Variants in TP73 observed in about 807,000 individuals in gnomAD.
TP73 encodes tumor protein p73.
A neutral mutation model predicts 62.5 loss-of-function variants in TP73; 25 were observed. That is an observed-to-expected ratio of 0.40 (90% CI 0.29 to 0.56). TP73 has a LOEUF of 0.56. Ranked by LOEUF, TP73 falls within the 20% of genes least tolerant of loss-of-function variation. The pLI, the probability that TP73 is intolerant of heterozygous loss-of-function variation, is 0.46. For synonymous variants in TP73, 423 were observed against 377.5 expected (o/e 1.12, Z -1.40); for missense variants, 754 against 913.3 (o/e 0.83, Z 2.25).
intron 1 of TP73, chr1:3,668,804 A>C (rs879616194): frequency 6.6e-6 from 1 of 152,348 alleles, no homozygotes; most frequent in Non-Finnish European, 1.5e-5. Context: ...CACAATGAGG[A>C]GTAGAAACGA....
intron 1 of TP73, among the ~76,000 whole-genome samples, chr1:3,681,025 T>C (rs1487821739): frequency 6.6e-6 from 1 of 152,226 alleles, no homozygotes; most frequent in African/African-American, 2.4e-5. Flanking sequence ...CACGCCCACC[T>C]GGGAGAGGTG....
Position 3,696,466 on chromosome 1 carries a change from G to T in TP73, c.187-11083G>T, listed in dbSNP as rs1638668210. On this transcript the variant is annotated intron_variant, in intron 3 of 13. Transcript: ENST00000378295. This position sits in a 1 kb window ranked among gnomAD's most constrained non-coding sequence, Gnocchi z 4.1. Reference sequence around the variant, plus strand: ...CTGCACATGGGCACTTACAGTCAGGGCTCTGGGGGATCTGCACGGAGGCAG... The same window carrying T: ...CTGCACATGGGCACTTACAGTCAGGTCTCTGGGGGATCTGCACGGAGGCAG... 1.3e-5 allele frequency among the ~76,000 whole-genome samples: 2 copies of T among 151,958 alleles called. No individual in the cohort carries two copies. Among genetic ancestry groups the T allele is most frequent in the South Asian group, 4.2e-4 (2 of 4,796 alleles).
rs141679680 is a variant in TP73, at chr1:3,682,439, G to A, written c.65+9G>A. Reference sequence around the variant, plus strand: ...CACCTCTGGAGCTCTCTGTGAGTGCGCTTGGCTGGCCAGAGCTGGGGGCCC... The same window carrying A: ...CACCTCTGGAGCTCTCTGTGAGTGCACTTGGCTGGCCAGAGCTGGGGGCCC... On this transcript the variant is annotated intron_variant, in intron 2 of 13. Coordinates refer to ENST00000378295, the MANE Select transcript of TP73 (RefSeq NM_005427.4). 2.4e-3 allele frequency: 3,678 copies of A among 1,508,870 alleles called. 9 individuals carry two copies. The highest frequency in any genetic ancestry group is 3.8e-3 in the South Asian group (309 of 80,650). The allele number at this position is 1,508,870 out of a possible 1,614,324, so 93.5% of individuals were successfully genotyped here.
chr1:3,729,561 A>T, intron 10 of TP73, 113 bp downstream of exon 10: 2 of 1,569,594 alleles, frequency 1.3e-6, no homozygotes. Context: ...TGCCAGGGAC[A>T]GGCAGCAGGG....
intron 3 of TP73, among the ~76,000 whole-genome samples, chr1:3,704,379 A>G (rs1004454419): frequency 6.6e-6 from 1 of 152,154 alleles, no homozygotes; most frequent in African/African-American, 2.4e-5. Context: ...GCTCAGGTCC[A>G]TCCACATTTC....
chr1:3,680,163 G>A (rs1557503004), intron 1 of TP73, among the ~76,000 whole-genome samples: 1 of 152,204 alleles, frequency 6.6e-6, no homozygotes. Flanking sequence ...CTCACAGGCT[G>A]ACAGATGAGG....
rs189599239 is a variant in TP73, at chr1:3,702,633, C to T, written c.187-4916C>T. 1.9e-3 allele frequency among the ~76,000 whole-genome samples: 284 copies of T among 152,316 alleles called. 1 individual carries two copies. Among genetic ancestry groups the T allele is most frequent in the Admixed American group, 0.017 (254 of 15,310 alleles). On this transcript the variant is annotated intron_variant, in intron 3 of 13. Transcript: ENST00000378295. Reference sequence around the variant, plus strand: ...GAGCACTCCTGCCCCGCAACAAGGCCCTGGGGCCCCAGCAGGGCCTGGTGC... The same window carrying T: ...GAGCACTCCTGCCCCGCAACAAGGCTCTGGGGCCCCAGCAGGGCCTGGTGC...
chr1:3,722,351 C>G, intron 5 of TP73, 144 bp downstream of exon 5: 1 of 1,035,734 alleles, frequency 9.7e-7, no homozygotes, highest in Non-Finnish European at 1.4e-6. Context: ...AGTGCCTCCA[C>G]CAGCCCCCAT....
At chr1:3,707,982 C>T in intron 4 of TP73, 191 bp downstream of exon 4, 1 of 892,986 alleles carries the variant, frequency 1.1e-6, no homozygotes, top group Non-Finnish European at 1.7e-6. Context: ...TGTGCCCACC[C>T]CTCTAGACGT....
chr1:3,672,836 T>TC lies in TP73; in HGVS notation c.-33-9495dup, dbSNP rs1645272982. The stretch of plus-strand genomic sequence containing the variant: ...AAGGGCCATGTCCCTGCCCACCCCT[T>TC]CCACCCCTTTCTTAGAGGAAGCTCA... On this transcript the variant is annotated intron_variant, in intron 1 of 13. Coordinates refer to ENST00000378295, the MANE Select transcript of TP73 (RefSeq NM_005427.4). The surrounding 1 kb of genome is among the most constrained non-coding windows in gnomAD (Gnocchi z 5.3). 1.3e-5 allele frequency among the ~76,000 whole-genome samples: 2 copies of TC among 152,020 alleles called. No homozygotes were observed. The highest frequency in any genetic ancestry group is 2.9e-5 in the Non-Finnish European group (2 of 67,988).
intron 3 of TP73, among the ~76,000 whole-genome samples, chr1:3,707,074 C>T (rs1302948119): frequency 4.6e-5 from 7 of 152,192 alleles, no homozygotes; most frequent in African/African-American, 1.4e-4. Context: ...GGGGCACCCA[C>T]GCACCCAAGC....
Position 3,735,388 on chromosome 1 carries a change from G to A in TP73, c.*2309G>A, listed in dbSNP as rs1006949564. 6.6e-6 allele frequency: 1 copy of A among 151,814 alleles called. No homozygotes were observed. Among genetic ancestry groups the A allele is most frequent in the Non-Finnish European group, 1.5e-5 (1 of 68,014 alleles). The allele number at this position is 151,814 out of a possible 1,614,324, so 9.4% of individuals were successfully genotyped here. The stretch of plus-strand genomic sequence containing the variant: ...CTGTAGTGTGCTCCTGGGAAGGGCT[G>A]GGGGGGCTGGGGGGGCTGGGAGAGG... On this transcript the variant is annotated 3_prime_UTR_variant, in exon 14 of 14. Transcript: ENST00000378295.
chr1:3,669,106 A>G (rs915003850), intron 1 of TP73, among the ~76,000 whole-genome samples: 1 of 152,214 alleles, frequency 6.6e-6, no homozygotes, highest in Non-Finnish European at 1.5e-5. Context: ...GGGAGCCAGG[A>G]GCCAGCCGAG....
chr1:3,717,201 G>A (rs1425417552), intron 4 of TP73, among the ~76,000 whole-genome samples: 5 of 152,188 alleles, frequency 3.3e-5, no homozygotes, highest in East Asian at 1.9e-4. Flanking sequence ...GCCGGGGAGC[G>A]AGGAGCGGGC....
intron 3 of TP73, among the ~76,000 whole-genome samples, chr1:3,691,944 G>A (rs767144788): frequency 3.3e-5 from 5 of 152,220 alleles, no homozygotes; most frequent in Admixed American, 1.3e-4. Flanking sequence ...GTGTGTGAGC[G>A]TGCACATCAA....
At chr1:3,695,587 A>G (rs1638573788) in intron 3 of TP73, among the ~76,000 whole-genome samples, 1 of 152,210 alleles carries the variant, frequency 6.6e-6, no homozygotes, top group African/African-American at 2.4e-5. Context: ...CGTGCGCCCC[A>G]TGGAGCCAGT....
At chr1:3,695,695 C>T (rs1402052894) in intron 3 of TP73, among the ~76,000 whole-genome samples, 9 of 152,246 alleles carry the variant, frequency 5.9e-5, no homozygotes, top group Admixed American at 5.2e-4. Flanking sequence ...CAGCAAGCTG[C>T]AGTTACTAGG....
At chr1:3,654,703 C>G (rs1192311419) in intron 1 of TP73, among the ~76,000 whole-genome samples, 2 of 152,202 alleles carry the variant, frequency 1.3e-5, no homozygotes, top group Non-Finnish European at 2.9e-5. Context: ...TGGGGAGAGA[C>G]CCGGCTCCTT....
In TP73 at chr1:3,663,971, G is replaced by A. The variant is rs542355129; in HGVS notation, c.-34+11330G>A. Among the ~76,000 whole-genome samples, 5 of 152,280 alleles carry A rather than the reference G, an allele frequency of 3.3e-5. No individual in the cohort carries two copies. Among genetic ancestry groups the A allele is most frequent in the Admixed American group, 1.3e-4 (2 of 15,300 alleles). On this transcript the variant is annotated intron_variant, in intron 1 of 13. Coordinates refer to ENST00000378295, the MANE Select transcript of TP73 (RefSeq NM_005427.4). This position sits in a 1 kb window ranked among gnomAD's most constrained non-coding sequence, Gnocchi z 4.7. Reference sequence around the variant, plus strand: ...GAGCCCAATCAGTACCCTGGGGGTCGTGGCCGGCCCCCCTCCCTCCATGCC... The same window carrying A: ...GAGCCCAATCAGTACCCTGGGGGTCATGGCCGGCCCCCCTCCCTCCATGCC...
Sources: allele counts gnomAD v4.1 joint callset (sites outside exome capture counted in the v4.1 genomes callset), GRCh38; gene constraint gnomAD v4.1.1; non-coding constraint Gnocchi (gnomAD v3.1); transcripts MANE v1.5; gene names NCBI Gene and HGNC (gene_info 2026-07-23, HGNC 2026-07-21).